The following SVOP variants were observed in gnomAD, a reference collection of about 807,000 sequenced individuals.
SVOP encodes SV2 related protein.
In SVOP, 17 loss-of-function variants were observed where a neutral mutation model predicts 69.1. The ratio of observed to expected loss-of-function variants is 0.25; its 90% CI spans 0.17 to 0.37. The LOEUF is 0.37. Ranked by LOEUF, SVOP falls within the 10% of genes least tolerant of loss-of-function variation. The probability of loss-of-function intolerance (pLI) is 1.00; values close to 1 mark genes in which losing one functional copy is unlikely to be tolerated. For missense variants in SVOP, 435 were observed against 597.5 expected (o/e 0.73, Z 2.84); for synonymous variants, 238 against 238.6 (o/e 1.00, Z 0.02).
At chr12:108,930,317 TA>T in intron 11 of SVOP, among the ~76,000 whole-genome samples, 1 of 152,284 alleles carries the variant, frequency 6.6e-6, no homozygotes, top group East Asian at 1.9e-4. Context: ...GCCAAGTGTT[TA>T]AAGGTTTATG....
chr12:108,915,157 A>G (rs2039705746), intron 15 of SVOP, among the ~76,000 whole-genome samples: 1 of 145,392 alleles, frequency 6.9e-6, no homozygotes, highest in African/African-American at 2.5e-5. Flanking sequence ...TGGGTGACAA[A>G]GCGAGACTCC....
intron 1 of SVOP, among the ~76,000 whole-genome samples, chr12:108,998,891 A>G (rs2040252250): frequency 6.6e-6 from 1 of 152,090 alleles, no homozygotes; most frequent in African/African-American, 2.4e-5. Flanking sequence ...GACTAGGAAG[A>G]AACTGCATCA....
intron 15 of SVOP, among the ~76,000 whole-genome samples, chr12:108,913,530 C>G (rs2039697873): frequency 6.6e-6 from 1 of 152,192 alleles, no homozygotes; most frequent in Non-Finnish European, 1.5e-5. Context: ...GGGATTTGAA[C>G]TTGGGTCTGC....
At chr12:108,994,979 A>G (rs1037616385) in intron 1 of SVOP, among the ~76,000 whole-genome samples, 1 of 151,836 alleles carries the variant, frequency 6.6e-6, no homozygotes, top group African/African-American at 2.4e-5. Context: ...TCATCTCAAC[A>G]AAAAATTTTT....
chr12:108,983,295 T>C (rs981423695), intron 2 of SVOP, among the ~76,000 whole-genome samples: 13 of 150,122 alleles, frequency 8.7e-5, no homozygotes, highest in Non-Finnish European at 1.8e-4. Context: ...ACCATCATCA[T>C]TGCCACCATC....
chr12:108,957,656 G>A (rs2039993447), intron 6 of SVOP, among the ~76,000 whole-genome samples: 1 of 152,198 alleles, frequency 6.6e-6, no homozygotes, highest in South Asian at 2.1e-4. Flanking sequence ...GACATCTCTT[G>A]GTAATCTCCT....
chr12:108,958,769 A>G (rs1466026409), intron 6 of SVOP, among the ~76,000 whole-genome samples: 2 of 152,040 alleles, frequency 1.3e-5, no homozygotes, highest in Non-Finnish European at 2.9e-5. Context: ...GCCTAAGATC[A>G]TGCTCCATCC....
At chr12:108,924,892 G>A (rs1169356509) in intron 11 of SVOP, among the ~76,000 whole-genome samples, 2 of 152,120 alleles carry the variant, frequency 1.3e-5, no homozygotes, top group Non-Finnish European at 2.9e-5. Flanking sequence ...GGAGAACTGA[G>A]GACTCAACTC....
intron 11 of SVOP, among the ~76,000 whole-genome samples, chr12:108,928,379 C>A (rs1340245855): frequency 6.6e-6 from 1 of 152,104 alleles, no homozygotes; most frequent in Non-Finnish European, 1.5e-5. Flanking sequence ...CCTCACCCCC[C>A]ACCCTTGATT....
intron 1 of SVOP, among the ~76,000 whole-genome samples, chr12:108,992,822 G>A (rs2040209827): frequency 6.6e-6 from 1 of 152,154 alleles, no homozygotes; most frequent in South Asian, 2.1e-4. Flanking sequence ...AGACAGAGAT[G>A]AGGGTTGTGC....
intron 1 of SVOP, among the ~76,000 whole-genome samples, chr12:108,998,280 G>T (rs1188414275): frequency 1.3e-5 from 2 of 151,504 alleles, no homozygotes; most frequent in Non-Finnish European, 3.0e-5. Flanking sequence ...AAAAAGAAAT[G>T]AGCAAAGCCT....
chr12:108,941,038 C>T (rs2039888402), intron 7 of SVOP, 129 bp from the exon 8 acceptor site: 2 of 1,306,732 alleles, frequency 1.5e-6, no homozygotes, highest in Non-Finnish European at 2.1e-6. Flanking sequence ...TTAGAATAGC[C>T]ACACTTTCCC....
Position 108,986,065 on chromosome 12 carries a change from C to G in SVOP, c.36-2304G>C, listed in dbSNP as rs146449777. 2.0e-5 allele frequency among the ~76,000 whole-genome samples: 3 copies of G among 152,308 alleles called. No homozygotes were observed. The East Asian group carries it at 5.8e-4, about 29-fold the overall frequency. On this transcript the variant is annotated intron_variant, in intron 1 of 15. Transcript: ENST00000610966. ...GGGAAATGCAGGGCCCAGCACAGGG[C>G]TGGCAGACAGACTGGTGGGGTTTGA...
At chr12:108,972,224 A>G (rs375942593) in intron 5 of SVOP, among the ~76,000 whole-genome samples, 181 bp downstream of exon 5, 2 of 151,784 alleles carry the variant, frequency 1.3e-5, no homozygotes, top group East Asian at 1.9e-4. Flanking sequence ...CGTGGGCCCC[A>G]CTAGGAATCT....
At chr12:108,959,678 C>G (rs2040006419) in intron 6 of SVOP, among the ~76,000 whole-genome samples, 2 of 152,230 alleles carry the variant, frequency 1.3e-5, no homozygotes, top group Admixed American at 1.3e-4. Flanking sequence ...GATCTCATCC[C>G]TCCAAGCTGA....
intron 12 of SVOP, among the ~76,000 whole-genome samples, chr12:108,920,741 G>C (rs901089670): frequency 6.6e-6 from 1 of 151,880 alleles, no homozygotes; most frequent in Non-Finnish European, 1.5e-5. Context: ...GGGACTACAG[G>C]TGCACGCCAT....
At chr12:108,953,318 T>C (rs1328728935) in intron 6 of SVOP, among the ~76,000 whole-genome samples, 3 of 151,996 alleles carry the variant, frequency 2.0e-5, no homozygotes, top group Non-Finnish European at 4.4e-5. Flanking sequence ...CCAACTAATT[T>C]TGTATTTATA....
chr12:109,021,025 C>A lies in SVOP; in HGVS notation c.-157G>T, dbSNP rs2040395380. ...CGGGGAGGGAGCCGCTGGGGACCAG[C>A]CCACGAGACAAAGCCTCCGCCGCCA... On this transcript the variant is annotated 5_prime_UTR_variant, in exon 1 of 16. Transcript: ENST00000610966. 4 of 557,508 alleles carry A rather than the reference C, an allele frequency of 7.2e-6. No homozygotes were observed. Among genetic ancestry groups the A allele is most frequent in the Non-Finnish European group, 6.4e-6 (2 of 310,830 alleles). The allele number at this position is 557,508 out of a possible 1,614,324, so 34.5% of individuals were successfully genotyped here. A position where few individuals can be genotyped will look rare whatever the true frequency, so the allele number is the denominator to read the frequency against.
At chr12:108,978,035 C>T (rs1304662262) in intron 3 of SVOP, among the ~76,000 whole-genome samples, 1 of 151,972 alleles carries the variant, frequency 6.6e-6, no homozygotes, top group Non-Finnish European at 1.5e-5. Context: ...ATGCCCATGT[C>T]TTGGGAATTT....
Sources: gnomAD v4.1 joint callset for allele counts (sites outside exome capture counted in the v4.1 genomes callset) on GRCh38, gnomAD v4.1.1 for gene constraint, MANE v1.5 for transcripts, NCBI Gene and HGNC (gene_info 2026-07-23, HGNC 2026-07-21) for gene names.